TBX5: variants seen among roughly 807,000 people sequenced by gnomAD.
TBX5 encodes T-box transcription factor TBX5.
In TBX5, 8 loss-of-function variants were observed where a neutral mutation model predicts 51.1. That is an observed-to-expected ratio of 0.16 (90% CI 0.09 to 0.28). The LOEUF (loss-of-function observed/expected upper bound fraction) is 0.28. Among genes scored for constraint, TBX5 ranks in the 10% least tolerant of loss-of-function variants. TBX5 has a pLI of 1.00. For synonymous variants in TBX5, 302 were observed against 266.4 expected (o/e 1.13, Z -1.30); for missense variants, 589 against 671.7 (o/e 0.88, Z 1.36).
intron 8 of TBX5, among the ~76,000 whole-genome samples, chr12:114,357,011 GATGGATGGATGGATGGATGC>G (rs1868958445): frequency 6.6e-6 from 1 of 152,088 alleles, no homozygotes; most frequent in African/African-American, 2.4e-5. Flanking sequence ...TGGATGGATG[GATGGATGGATGGATGGATGC>G]ATGGATGCAT....
rs769895888 is a variant in TBX5 at position 114,403,924 on chromosome 12, G to T, written c.-26C>A. On this transcript the variant is annotated 5_prime_UTR_variant, in exon 2 of 9. The change creates a premature stop within an existing upstream ORF in the 5' untranslated region. Transcript: ENST00000405440. ...GGTGCGCCCAGGGCCCTGTGCCCGCGCAAGGTTCTGCTCTGAGGACAAGAA... is the reference window on the plus strand; with the variant it reads ...GGTGCGCCCAGGGCCCTGTGCCCGCTCAAGGTTCTGCTCTGAGGACAAGAA... 4.4e-6 allele frequency: 7 copies of T among 1,606,566 alleles called. No individual in the cohort carries two copies. In the South Asian group the frequency reaches 4.4e-5, roughly 10 times the overall value.
upstream of TBX5, chr12:114,407,738 C>T: frequency 1.0e-6 from 1 of 982,876 alleles, no homozygotes; most frequent in Non-Finnish European, 1.2e-6. Flanking sequence ...AAGACTAAGA[C>T]GGGGTGAAAA....
chr12:114,355,604 C>G lies in TBX5; in HGVS notation c.1485G>C (p.Arg495Ser). 6.2e-7 allele frequency: 1 copy of G among 1,614,174 alleles called. No individual in the cohort carries two copies. The highest frequency in any genetic ancestry group is 8.5e-7 in the Non-Finnish European group (1 of 1,180,040). Residue 495 changes from arginine to serine, a missense_variant, in exon 9 of 9, where the codon AGG becomes AGC. Arg to Ser is a moderately radical substitution (Grantham distance 110, BLOSUM62 -1). Around this residue, in one of 7 missense-constraint regions of TBX5, gnomAD observed 348 missense variants for 360.4 expected, o/e 0.97. Transcript: ENST00000405440. ...AGTGGTACTGATGAGGGGATAGAGTCCTTGGCACGCCATGAGAGTAGAGGA... is the reference window on the plus strand; with the variant it reads ...AGTGGTACTGATGAGGGGATAGAGTGCTTGGCACGCCATGAGAGTAGAGGA... ...PEFLYSHGVP[R>S]TLSPHQYHSV...
intron 7 of TBX5, among the ~76,000 whole-genome samples, chr12:114,378,691 C>G (rs1183641862): frequency 1.3e-5 from 2 of 152,100 alleles, no homozygotes; most frequent in Non-Finnish European, 2.9e-5. Flanking sequence ...GGCTGGAGTG[C>G]AGTGGCACGA....
chr12:114,388,110 A>G (rs1278035703), intron 6 of TBX5, among the ~76,000 whole-genome samples: 1 of 152,056 alleles, frequency 6.6e-6, no homozygotes, highest in Non-Finnish European at 1.5e-5. Context: ...TGGCCTCCCA[A>G]AGTACAGGGA....
At chr12:114,395,877 G>C (rs931677003) in intron 5 of TBX5, among the ~76,000 whole-genome samples, 5 of 152,138 alleles carry the variant, frequency 3.3e-5, no homozygotes, top group Admixed American at 6.5e-5. Context: ...GCTGGAGCCA[G>C]GGCTAGTCAC....
intron 6 of TBX5, among the ~76,000 whole-genome samples, chr12:114,394,135 C>T (rs2113437): frequency 0.022 from 3,352 of 152,148 alleles, 88 homozygotes; most frequent in East Asian, 0.15. Context: ...AGAGAGACCC[C>T]GTCTTTACAA....
intron 6 of TBX5, among the ~76,000 whole-genome samples, chr12:114,386,880 G>T (rs1428852643): frequency 6.6e-6 from 1 of 151,946 alleles, no homozygotes; most frequent in Non-Finnish European, 1.5e-5. Flanking sequence ...GATAACTTGA[G>T]ATCAGAAGTT....
chr12:114,361,008 G>A (rs1869211851), intron 8 of TBX5, among the ~76,000 whole-genome samples: 1 of 152,128 alleles, frequency 6.6e-6, no homozygotes, highest in Non-Finnish European at 1.5e-5. Flanking sequence ...AGTTTCTTGA[G>A]AGCGGGAGCC....
At chr12:114,394,250 G>A (rs1004821382) in intron 6 of TBX5, among the ~76,000 whole-genome samples, 1 of 152,216 alleles carries the variant, frequency 6.6e-6, no homozygotes, top group African/African-American at 2.4e-5. Flanking sequence ...GGGAAGTCAA[G>A]GCTGCAGTGA....
chr12:114,392,291 T>A (rs887679116), intron 6 of TBX5, among the ~76,000 whole-genome samples: 5 of 151,692 alleles, frequency 3.3e-5, no homozygotes, highest in Non-Finnish European at 7.4e-5. Context: ...TAAATAGCAA[T>A]GTAAAGGGTG....
chr12:114,400,022 G>C (rs1237464190), intron 3 of TBX5, among the ~76,000 whole-genome samples: 1 of 152,208 alleles, frequency 6.6e-6, no homozygotes, highest in Admixed American at 6.5e-5. Flanking sequence ...GCTAGGCGCT[G>C]ATCCTAGAGG....
At position 114,398,563 on chromosome 12, in the gene TBX5, C is replaced by CG; in HGVS notation, c.510+9dup. Reference sequence around the variant, plus strand: ...GAGACAAGGCGGGGAATCCAGGCCACGGTACTCACATGCCCAAATGGGTCC... The same window carrying CG: ...GAGACAAGGCGGGGAATCCAGGCCACGGGTACTCACATGCCCAAATGGGTCC... On this transcript the variant is annotated intron_variant, in intron 5 of 8. Coordinates refer to ENST00000405440, the MANE Select transcript of TBX5 (RefSeq NM_181486.4). 2 of 1,611,894 alleles carry CG rather than the reference C, an allele frequency of 1.2e-6. No homozygotes were observed. Among genetic ancestry groups the CG allele is most frequent in the Non-Finnish European group, 1.7e-6 (2 of 1,179,106 alleles).
At chr12:114,392,464 C>T (rs1871210061) in intron 6 of TBX5, among the ~76,000 whole-genome samples, 1 of 152,076 alleles carries the variant, frequency 6.6e-6, no homozygotes, top group African/African-American at 2.4e-5. Context: ...AGTGAGTTTT[C>T]CCACATCTAT....
chr12:114,384,745 A>ACACACACAAAAC (rs10629159), intron 7 of TBX5, among the ~76,000 whole-genome samples: 4 of 115,170 alleles, frequency 3.5e-5, no homozygotes, highest in Non-Finnish European at 7.5e-5. Context: ...ACACACACAC[A>ACACACACAAAAC]ACACACACAC....
At chr12:114,394,591 T>C in intron 6 of TBX5, 150 bp downstream of exon 6, 1 of 1,016,886 alleles carries the variant, frequency 9.8e-7, no homozygotes, top group Non-Finnish European at 1.5e-6. Flanking sequence ...ACTCTTAGGC[T>C]GCAGCTTTGT....
intron 7 of TBX5, among the ~76,000 whole-genome samples, chr12:114,377,716 G>C (rs1339332101): frequency 1.3e-5 from 2 of 151,860 alleles, no homozygotes; most frequent in Non-Finnish European, 1.5e-5. Flanking sequence ...ACCACACCTA[G>C]CGACTTTTTT....
intron 6 of TBX5, among the ~76,000 whole-genome samples, chr12:114,394,319 G>T (rs1380123538): frequency 6.6e-6 from 1 of 152,010 alleles, no homozygotes; most frequent in Non-Finnish European, 1.5e-5. Flanking sequence ...ACCCTGTCTC[G>T]GAGTGAAAAA....
intron 7 of TBX5, among the ~76,000 whole-genome samples, chr12:114,382,587 T>G (rs1305326691): frequency 6.6e-6 from 1 of 151,436 alleles, no homozygotes; most frequent in Non-Finnish European, 1.5e-5. Flanking sequence ...TTGCCTGAGG[T>G]CAGGAGTTTG....
Sources: gnomAD v4.1 joint callset for allele counts (sites outside exome capture counted in the v4.1 genomes callset) on GRCh38, gnomAD v4.1.1 for gene constraint, gnomAD v4.1.1 regional missense constraint, MANE v1.5 for transcripts, NCBI Gene and HGNC (gene_info 2026-07-23, HGNC 2026-07-21) for gene names.